The following DACT2 variants were observed in gnomAD, a reference collection of about 807,000 sequenced individuals.
DACT2 encodes the protein dishevelled binding antagonist of beta catenin 2, also known as dapper homolog 2.
DACT2 carries 20 observed loss-of-function variants against 22.2 expected under a neutral mutation model. The observed-to-expected ratio is 0.90, with a 90% CI of 0.63 to 1.31. The LOEUF (loss-of-function observed/expected upper bound fraction) is 1.31. Ranked by LOEUF, DACT2 falls within the 50% of genes most tolerant of loss-of-function variation. DACT2 has a pLI of 0.00. For synonymous variants in DACT2, 463 were observed against 479.8 expected, an observed-to-expected ratio of 0.96 and a Z score of 0.46; for missense variants, 1,048 against 1,061.4, an observed-to-expected ratio of 0.99 and a Z score of 0.18.
chr6:168,311,597 T>TCACACACACACACACCCATACAC (rs1554271725), intron 1 of DACT2, among the ~76,000 whole-genome samples: 1 of 100,464 alleles, frequency 1.0e-5, no homozygotes, highest in African/African-American at 4.4e-5. Flanking sequence ...CACACACACA[T>TCACACACACACACACCCATACAC]ACACACACAC....
At chr6:168,292,945 T>C (rs922949710) in exon 6 of DACT2, 2 of 152,156 alleles carry the variant, frequency 1.3e-5, no homozygotes, top group African/African-American at 4.8e-5. Context: ...ATGAAAGAAA[T>C]TTCATAGGCC....
chr6:168,315,637 C>T (rs900768919), intron 1 of DACT2, among the ~76,000 whole-genome samples: 20 of 152,248 alleles, frequency 1.3e-4, no homozygotes, highest in African/African-American at 3.9e-4. Flanking sequence ...GTAATTAAAA[C>T]GCTGCAGCAC....
chr6:168,319,496 G>A lies in DACT2; in HGVS notation c.138C>T (p.Ala46=), dbSNP rs924271344. ...RATQQERVRG[A]LALQPPPAPA... is the part of the protein sequence containing the mutation. ...GCGCGGGCGGGGGCTGCAGGGCCAG[G>A]GCGCCCCGTACCCGCTCCTGCTGCG... The change falls in exon 1 of 4, where the codon GCC becomes GCT. Residue 46 remains alanine, a synonymous_variant. Transcript: ENST00000366795. The A allele has an allele frequency of 1.6e-6, 2 of 1,273,422 alleles. No individual in the cohort carries two copies. Among genetic ancestry groups the A allele is most frequent in the Admixed American group, 3.3e-5 (1 of 30,660 alleles). 78.9% of individuals were successfully genotyped at this position (1,273,422 alleles called of 1,614,324 possible).
At chr6:168,294,290 C>T in intron 4 of DACT2, 1 of 700,972 alleles carries the variant, frequency 1.4e-6, no homozygotes, top group Admixed American at 2.0e-5. Context: ...TTCACTGGGG[C>T]TAGGTGTGAG....
Position 168,308,279 on chromosome 6 carries a change from T to C in DACT2, c.1478A>G (p.Lys493Arg). The C allele has an allele frequency of 6.4e-7, 1 of 1,552,286 alleles. No individual in the cohort carries two copies. The highest frequency in any genetic ancestry group is 8.7e-7 in the Non-Finnish European group (1 of 1,147,118). Residue 493 changes from lysine (K) to arginine (R), a missense_variant, in exon 4 of 4, where the codon AAG (lysine) becomes AGG (arginine). Coordinates refer to ENST00000366795, the MANE Select transcript of DACT2 (RefSeq NM_214462.5). Reference protein sequence around the residue: ...FAASLKMGPPKSKAEKIKRSP... With the variant: ...FAASLKMGPPRSKAEKIKRSP... Reference sequence around the variant, plus strand: ...TCTCTTGATTTTTTCAGCCTTGCTCTTGGGGGGACCCATTTTCAGGCTGGC... The same window carrying C: ...TCTCTTGATTTTTTCAGCCTTGCTCCTGGGGGGACCCATTTTCAGGCTGGC...
In DACT2 at chr6:168,319,433, G is replaced by A. The variant is rs1186553415; in HGVS notation, c.201C>T (p.Pro67=). The A allele has an allele frequency of 8.3e-7, 1 of 1,205,952 alleles. No individual in the cohort carries two copies. The highest frequency in any genetic ancestry group is 1.0e-6 in the Non-Finnish European group (1 of 971,902). 74.7% of individuals were successfully genotyped at this position (1,205,952 alleles called of 1,614,324 possible). Residue 67 remains proline, a synonymous_variant, in exon 1 of 4, where the codon CCC becomes CCT. Transcript: ENST00000366795. ...CCAGCGCCGCCTCCAGCTGCTGCTC[G>A]GGGCCGTGGAGGCCGTGGGGGCCGC... The part of the protein sequence containing the change: ...APCGPHGLHG[P]EQQLEAALAA...
At chr6:168,294,659 G>A (rs577479150) in exon 4 of DACT2, 10 of 1,484,616 alleles carry the variant, frequency 6.7e-6, no homozygotes, top group East Asian at 2.7e-5. Context: ...GGTGCAGCCT[G>A]CAGGCGGAGC....
intron 3 of DACT2, among the ~76,000 whole-genome samples, chr6:168,301,221 T>G (rs1353045340): frequency 6.6e-6 from 1 of 152,160 alleles, no homozygotes; most frequent in Non-Finnish European, 1.5e-5. Flanking sequence ...CTCACAGGCA[T>G]GGAGTCCCCA....
chr6:168,319,200 T>C (rs1026714968), intron 1 of DACT2, among the ~76,000 whole-genome samples, 188 bp downstream of exon 1: 4 of 152,100 alleles, frequency 2.6e-5, no homozygotes, highest in African/African-American at 9.7e-5. Flanking sequence ...GCTTCACCTC[T>C]AGGCACCTGC....
chr6:168,305,755 T>C (rs1346811825), downstream of DACT2, among the ~76,000 whole-genome samples: 2 of 152,212 alleles, frequency 1.3e-5, no homozygotes, highest in Admixed American at 6.5e-5. Flanking sequence ...GTCATTTTTA[T>C]AAAATACCCT....
At chr6:168,304,138 G>A (rs1300590378), downstream of DACT2, among the ~76,000 whole-genome samples, 1 of 152,212 alleles carries the variant, frequency 6.6e-6, no homozygotes, top group African/African-American at 2.4e-5. Context: ...CAACGCACTT[G>A]AAGTCTGCCC....
chr6:168,305,906 T>C (rs1779195568), downstream of DACT2, among the ~76,000 whole-genome samples: 2 of 152,108 alleles, frequency 1.3e-5, no homozygotes, highest in Non-Finnish European at 2.9e-5. Flanking sequence ...GCAGGTGAAA[T>C]TGCACACAGA....
chr6:168,312,487 C>T (rs954925760), intron 1 of DACT2, among the ~76,000 whole-genome samples: 1 of 152,208 alleles, frequency 6.6e-6, no homozygotes, highest in African/African-American at 2.4e-5. Context: ...ATGTGCCTGG[C>T]CAAGGGACTG....
At chr6:168,311,505 CACAT>C (rs1023058526) in intron 1 of DACT2, among the ~76,000 whole-genome samples, 12 of 150,250 alleles carry the variant, frequency 8.0e-5, no homozygotes, top group African/African-American at 2.8e-4. Context: ...GCCCCCCACA[CACAT>C]ACACACACAC....
intron 3 of DACT2, among the ~76,000 whole-genome samples, chr6:168,309,795 C>T (rs1375219989): frequency 6.6e-6 from 1 of 152,226 alleles, no homozygotes; most frequent in Non-Finnish European, 1.5e-5. Context: ...CAACTACAGC[C>T]CCTCCTGGGC....
intron 1 of DACT2, among the ~76,000 whole-genome samples, chr6:168,313,964 T>A (rs1779485949): frequency 6.6e-6 from 1 of 152,222 alleles, no homozygotes; most frequent in African/African-American, 2.4e-5. Flanking sequence ...CGTCTACGTC[T>A]GCAGGACTCC....
Position 168,311,229 on chromosome 6 carries a change from A to G in DACT2, c.302T>C (p.Leu101Pro). The change falls in exon 2 of 4, where the codon CTG (leucine) becomes CCG (proline). Residue 101 changes from leucine to proline, a missense_variant. By Grantham distance (98) the Leu-to-Pro change is moderately conservative (BLOSUM62 -3). Transcript: ENST00000366795. Reference sequence around the variant, plus strand: ...ATCCAGCTGCAGCTTGCTAATCTGCAGGTCCAGCTGGTCCAGGTGGGTCTT... The same window carrying G: ...ATCCAGCTGCAGCTTGCTAATCTGCGGGTCCAGCTGGTCCAGGTGGGTCTT... ...GLKTHLDQLD[L>P]QISKLQLDVG... The G allele has an allele frequency of 6.4e-7, 1 of 1,550,990 alleles. No homozygotes were observed. Among genetic ancestry groups the G allele is most frequent in the African/African-American group, 1.4e-5 (1 of 73,152 alleles).
Position 168,296,556 on chromosome 6 carries a change from A to G in DACT2, c.659-1852T>C, listed in dbSNP as rs564345316. Among the ~76,000 whole-genome samples the G allele has an allele frequency of 8.2e-4, 119 of 144,726 alleles. 1 individual carries two copies. Among genetic ancestry groups the G allele is most frequent in the Middle Eastern group, 3.7e-3 (1 of 272 alleles). 94.9% of individuals were successfully genotyped at this position (144,726 alleles called of 152,430 possible). On this transcript the variant is annotated intron_variant, in intron 3 of 5. Coordinates refer to the DACT2 transcript ENST00000366796. The stretch of plus-strand genomic sequence containing the variant: ...AGATGCTCATGGAGGACAGGCACCC[A>G]GAATCAGGGAAAGAGTGGATCCATC...
intron 3 of DACT2, among the ~76,000 whole-genome samples, chr6:168,301,284 C>T (rs1002153785): frequency 2.0e-5 from 3 of 152,170 alleles, no homozygotes; most frequent in Non-Finnish European, 2.9e-5. Flanking sequence ...TCCCAGAGAA[C>T]GGGTCTTTCT....
Sources: gnomAD v4.1 joint callset for allele counts (sites outside exome capture counted in the v4.1 genomes callset) on GRCh38, gnomAD v4.1.1 for gene constraint, MANE v1.5 for transcripts, NCBI Gene and HGNC (gene_info 2026-07-23, HGNC 2026-07-21) for gene names.